ENTREP2: variants seen among roughly 807,000 people sequenced by gnomAD.
ENTREP2 encodes endosomal transmembrane epsin interactor 2.
the ENTREP2 span, among the ~76,000 whole-genome samples, chr15:29,138,862 G>C: frequency 2.6e-5 from 4 of 152,032 alleles, no homozygotes; most frequent in African/African-American, 9.7e-5. Context: ...AACGGGTCTT[G>C]AAAGATTGGT....
At chr15:29,668,285 C>A in the ENTREP2 span, among the ~76,000 whole-genome samples, 1 of 152,152 alleles carries the variant, frequency 6.6e-6, no homozygotes, top group Non-Finnish European at 1.5e-5. Flanking sequence ...AAATAACCAC[C>A]ACCAATCACA....
chr15:29,516,611 G>A, the ENTREP2 span, among the ~76,000 whole-genome samples: 1 of 151,932 alleles, frequency 6.6e-6, no homozygotes, highest in Non-Finnish European at 1.5e-5. Context: ...AGGGGATGGG[G>A]GGGTGCAGGT....
chr15:29,155,009 G>A, the ENTREP2 span, among the ~76,000 whole-genome samples: 27,964 of 152,060 alleles, frequency 0.18, 4,732 homozygotes, highest in African/African-American at 0.45. Flanking sequence ...CCGGCCGGGC[G>A]TGGTGGCTCA....
chr15:29,271,074 G>A, the ENTREP2 span, among the ~76,000 whole-genome samples: 1 of 152,176 alleles, frequency 6.6e-6, no homozygotes, highest in African/African-American at 2.4e-5. Flanking sequence ...AATGGCACTG[G>A]AACTGCAATA....
At chr15:29,619,024 G>C in the ENTREP2 span, among the ~76,000 whole-genome samples, 60 of 152,350 alleles carry the variant, frequency 3.9e-4, 1 homozygote, top group African/African-American at 1.4e-3. Flanking sequence ...GAGCCACCCG[G>C]CAGGGGCCCA....
chr15:29,182,000 T>C, the ENTREP2 span, among the ~76,000 whole-genome samples: 9 of 152,106 alleles, frequency 5.9e-5, no homozygotes, highest in Admixed American at 4.6e-4. Context: ...TAAGAATCAA[T>C]GTGAAGACTG....
At chr15:29,449,626 CA>C in the ENTREP2 span, among the ~76,000 whole-genome samples, 2 of 152,032 alleles carry the variant, frequency 1.3e-5, no homozygotes, top group Non-Finnish European at 2.9e-5. Flanking sequence ...GTAAGATGAA[CA>C]AGACAAAAAC....
the ENTREP2 span, among the ~76,000 whole-genome samples, chr15:29,352,730 G>A: frequency 1.4e-4 from 22 of 152,304 alleles, no homozygotes; most frequent in South Asian, 1.7e-3. Context: ...CAGCCAAACC[G>A]ATACTTTTCT....
At chr15:29,151,799 T>G in the ENTREP2 span, 1 of 1,551,458 alleles carries the variant, frequency 6.4e-7, no homozygotes, top group Non-Finnish European at 8.7e-7. Context: ...GCACACACGA[T>G]AGTGGACAGG....
At chr15:29,477,026 A>C in the ENTREP2 span, among the ~76,000 whole-genome samples, 148 of 152,316 alleles carry the variant, frequency 9.7e-4, 1 homozygote, top group African/African-American at 3.3e-3. Context: ...TAGTGCCATC[A>C]ACAGCACACT....
chr15:29,222,958 A>G, the ENTREP2 span, among the ~76,000 whole-genome samples: 1 of 152,360 alleles, frequency 6.6e-6, no homozygotes, highest in South Asian at 2.1e-4. Context: ...ATACAGGAGA[A>G]AACTGCTCAT....
the ENTREP2 span, among the ~76,000 whole-genome samples, chr15:29,488,479 G>A: frequency 0.033 from 5,016 of 152,264 alleles, 279 homozygotes; most frequent in African/African-American, 0.12. Flanking sequence ...AGAGGTGCGA[G>A]TGAAAGGAAC....
the ENTREP2 span, among the ~76,000 whole-genome samples, chr15:29,382,986 G>C: frequency 1.3e-5 from 2 of 152,014 alleles, no homozygotes; most frequent in Admixed American, 6.5e-5. Context: ...GGCTCCTGTG[G>C]CTTCTCACTC....
chr15:29,536,496 C>T, the ENTREP2 span, among the ~76,000 whole-genome samples: 1 of 151,462 alleles, frequency 6.6e-6, no homozygotes, highest in Admixed American at 6.6e-5. Context: ...CCCACCTACT[C>T]AGGAGGCTGA....
At chr15:29,661,047 T>G in the ENTREP2 span, among the ~76,000 whole-genome samples, 1 of 144,430 alleles carries the variant, frequency 6.9e-6, no homozygotes, top group Non-Finnish European at 1.5e-5. Context: ...AGAGTGTGGT[T>G]GTAATTACAG....
At chr15:29,153,319 G>A in the ENTREP2 span, among the ~76,000 whole-genome samples, 1 of 152,236 alleles carries the variant, frequency 6.6e-6, no homozygotes, top group Middle Eastern at 3.4e-3. Flanking sequence ...CATAGACCAG[G>A]TAGCTCTAAC....
the ENTREP2 span, among the ~76,000 whole-genome samples, chr15:29,530,986 G>A: frequency 7.9e-5 from 12 of 152,190 alleles, no homozygotes; most frequent in Admixed American, 5.2e-4. Context: ...AAACGGTGCC[G>A]CACCCAAGTC....
chr15:29,223,255 G>A, the ENTREP2 span, among the ~76,000 whole-genome samples: 7 of 152,144 alleles, frequency 4.6e-5, no homozygotes, highest in African/African-American at 1.4e-4. Flanking sequence ...GAAAAGTTTC[G>A]AGTTCCAGGT....
the ENTREP2 span, among the ~76,000 whole-genome samples, chr15:29,491,523 C>T: frequency 1.3e-5 from 2 of 152,074 alleles, no homozygotes; most frequent in African/African-American, 4.8e-5. Flanking sequence ...ATCTGGTGAG[C>T]CCTAGGGTCC....
Sources: allele counts gnomAD v4.1 joint callset (sites outside exome capture counted in the v4.1 genomes callset), GRCh38; gene constraint gnomAD v4.1.1; transcripts MANE v1.5; gene names NCBI Gene and HGNC (gene_info 2026-07-23, HGNC 2026-07-21).